The following PRMT3 variants were observed in gnomAD, a reference collection of about 807,000 sequenced individuals.
PRMT3 encodes the protein protein arginine methyltransferase 3.
Under a neutral mutation model 71.9 loss-of-function variants are expected in PRMT3, and 62 were observed. That is an observed-to-expected ratio of 0.86 (90% confidence interval 0.70 to 1.07). PRMT3 has a LOEUF of 1.07. Ranked by LOEUF, PRMT3 falls within the 50% of genes least tolerant of loss-of-function variation. The probability of loss-of-function intolerance (pLI) is 0.00; values close to 1 mark genes in which losing one functional copy is unlikely to be tolerated. For synonymous variants in PRMT3, 213 were observed against 220.4 expected, an observed-to-expected ratio of 0.97 and a Z score of 0.30; for missense variants, 663 against 643.0, an observed-to-expected ratio of 1.03 and a Z score of -0.34.
intron 10 of PRMT3, among the ~76,000 whole-genome samples, chr11:20,430,460 G>A (rs552899447): frequency 6.6e-6 from 1 of 152,084 alleles, no homozygotes; most frequent in African/African-American, 2.4e-5. Context: ...TTCTAGATAA[G>A]AATGTAATTT....
At chr11:20,390,343 T>G (rs1848686119) in intron 3 of PRMT3, among the ~76,000 whole-genome samples, 1 of 152,228 alleles carries the variant, frequency 6.6e-6, no homozygotes, top group African/African-American at 2.4e-5. Context: ...TTATATTAGC[T>G]TTTCAACTAA....
At chr11:20,474,357 C>T (rs1850727190) in intron 13 of PRMT3, among the ~76,000 whole-genome samples, 2 of 152,310 alleles carry the variant, frequency 1.3e-5, no homozygotes. Context: ...CTCAGGCAAA[C>T]CTCTCTGACT....
intron 10 of PRMT3, among the ~76,000 whole-genome samples, chr11:20,432,363 C>T (rs1849672023): frequency 1.3e-5 from 2 of 152,168 alleles, no homozygotes; most frequent in African/African-American, 4.8e-5. Flanking sequence ...TTACAGCTTA[C>T]ATTTGTAGGC....
At chr11:20,437,884 C>T (rs903520271) in intron 10 of PRMT3, among the ~76,000 whole-genome samples, 7 of 152,032 alleles carry the variant, frequency 4.6e-5, no homozygotes, top group South Asian at 2.1e-4. Flanking sequence ...CCACTGCGCC[C>T]GGCCGGCAGC....
At chr11:20,442,198 A>G (rs1250080514) in intron 10 of PRMT3, among the ~76,000 whole-genome samples, 1 of 152,132 alleles carries the variant, frequency 6.6e-6, no homozygotes, top group Non-Finnish European at 1.5e-5. Context: ...TAAGAAATGT[A>G]CAGTCAAAAT....
At chr11:20,505,109 T>A (rs1851559949) in intron 15 of PRMT3, among the ~76,000 whole-genome samples, 1 of 152,216 alleles carries the variant, frequency 6.6e-6, no homozygotes, top group African/African-American at 2.4e-5. Flanking sequence ...AGAATTTTTA[T>A]ACCTTGATCC....
intron 13 of PRMT3, among the ~76,000 whole-genome samples, chr11:20,473,913 A>C (rs1035321214): frequency 6.6e-6 from 1 of 151,950 alleles, no homozygotes; most frequent in South Asian, 2.1e-4. Context: ...GGTTTGTGTC[A>C]GGTTTTTCAT....
At chr11:20,474,941 T>C (rs775850712) in intron 13 of PRMT3, among the ~76,000 whole-genome samples, 1 of 152,170 alleles carries the variant, frequency 6.6e-6, no homozygotes, top group African/African-American at 2.4e-5. Flanking sequence ...AATTTTAAAC[T>C]TTTCTAAATA....
intron 13 of PRMT3, 132 bp downstream of exon 13, chr11:20,464,678 T>C (rs1278665714): frequency 7.1e-7 from 1 of 1,400,138 alleles, no homozygotes; most frequent in Non-Finnish European, 9.4e-7. Flanking sequence ...TTGCCTTTGC[T>C]AGGCCATTGA....
chr11:20,409,888 A>G (rs1193173150), intron 9 of PRMT3, among the ~76,000 whole-genome samples: 1 of 152,128 alleles, frequency 6.6e-6, no homozygotes, highest in East Asian at 1.9e-4. Context: ...TTGTTTTAGA[A>G]GAATTCTCAA....
chr11:20,492,870 A>G (rs555829006), intron 13 of PRMT3, among the ~76,000 whole-genome samples: 7 of 152,358 alleles, frequency 4.6e-5, no homozygotes, highest in South Asian at 2.1e-4. Context: ...CAGCCTGACC[A>G]ACATGGTGAA....
intron 13 of PRMT3, among the ~76,000 whole-genome samples, chr11:20,480,760 G>T (rs1850911881): frequency 6.6e-6 from 1 of 152,004 alleles, no homozygotes; most frequent in African/African-American, 2.4e-5. Flanking sequence ...AGATGATGGG[G>T]AGTGAGGGCA....
intron 12 of PRMT3, 73 bp from the exon 13 acceptor site, chr11:20,464,387 T>C: frequency 6.7e-7 from 1 of 1,499,024 alleles, no homozygotes; most frequent in Non-Finnish European, 8.9e-7. Flanking sequence ...TGGGTTGTTT[T>C]TGTTTTATTT....
intron 10 of PRMT3, among the ~76,000 whole-genome samples, chr11:20,445,220 A>C (rs964205044): frequency 6.6e-6 from 1 of 152,104 alleles, no homozygotes; most frequent in African/African-American, 2.4e-5. Flanking sequence ...TGTAGTATGA[A>C]AAACTATTGT....
chr11:20,445,118 T>C (rs1849994953), intron 10 of PRMT3, among the ~76,000 whole-genome samples: 1 of 152,042 alleles, frequency 6.6e-6, no homozygotes. Context: ...TATAGCACTT[T>C]CTTGACTTTT....
At chr11:20,490,970 T>C (rs1413279318) in intron 13 of PRMT3, among the ~76,000 whole-genome samples, 2 of 152,202 alleles carry the variant, frequency 1.3e-5, no homozygotes, top group Non-Finnish European at 2.9e-5. Flanking sequence ...TCCATCAGTG[T>C]CTTTTTCTTT....
chr11:20,403,593 C>T (rs1025258097), intron 8 of PRMT3, among the ~76,000 whole-genome samples: 1 of 152,012 alleles, frequency 6.6e-6, no homozygotes, highest in Non-Finnish European at 1.5e-5. Context: ...TTCTTCCTTA[C>T]ACTTTTTTTT....
At chr11:20,464,964 A>C (rs1352468902) in intron 13 of PRMT3, among the ~76,000 whole-genome samples, 2 of 152,154 alleles carry the variant, frequency 1.3e-5, no homozygotes, top group Non-Finnish European at 2.9e-5. Flanking sequence ...CTGAACTGCT[A>C]TTGAGTTACC....
At chr11:20,462,587 C>T (rs975446090) in intron 12 of PRMT3, among the ~76,000 whole-genome samples, 6 of 152,120 alleles carry the variant, frequency 3.9e-5, no homozygotes, top group East Asian at 1.9e-4. Flanking sequence ...TTTCTTCCAG[C>T]GTTTTCAGAT....
Sources: gnomAD v4.1 joint callset for allele counts (sites outside exome capture counted in the v4.1 genomes callset) on GRCh38, gnomAD v4.1.1 for gene constraint, MANE v1.5 for transcripts, NCBI Gene and HGNC (gene_info 2026-07-23, HGNC 2026-07-21) for gene names.